ANTXRL: variants seen among roughly 807,000 people sequenced by gnomAD.
ANTXRL encodes ANTXR like.
A neutral mutation model predicts 75.4 loss-of-function variants in ANTXRL; 63 were observed. The ratio of observed to expected loss-of-function variants is 0.84; its 90% CI spans 0.68 to 1.03. The LOEUF (loss-of-function observed/expected upper bound fraction) is 1.03. Among genes scored for constraint, ANTXRL ranks in the 50% least tolerant of loss-of-function variants. The probability of loss-of-function intolerance (pLI) is 0.00; values close to 1 mark genes in which losing one functional copy is unlikely to be tolerated. For missense variants in ANTXRL, 797 were observed against 789.4 expected (o/e 1.01, Z -0.12); for synonymous variants, 335 against 291.3 (o/e 1.15, Z -1.53).
chr10:46,314,771 T>C (rs1838630480), intron 16 of ANTXRL, among the ~76,000 whole-genome samples: 1 of 152,096 alleles, frequency 6.6e-6, no homozygotes, highest in Non-Finnish European at 1.5e-5. Context: ...CAATCCCTGT[T>C]TTACTAATGG....
chr10:46,286,465 C>G (rs1159979478), upstream of ANTXRL: 1 of 152,218 alleles, frequency 6.6e-6, no homozygotes, highest in Non-Finnish European at 1.5e-5. Context: ...GGAGCAGCCT[C>G]CAGATAATTC....
chr10:46,316,087 T>C (rs1436583261), intron 16 of ANTXRL, among the ~76,000 whole-genome samples: 2 of 152,200 alleles, frequency 1.3e-5, no homozygotes, highest in Non-Finnish European at 2.9e-5. Context: ...ATACTCATTA[T>C]GTTAATGGGA....
intron 1 of ANTXRL, 98 bp downstream of exon 1, chr10:46,287,608 C>T (rs1454302406): frequency 4.1e-5 from 59 of 1,433,074 alleles, no homozygotes; most frequent in Non-Finnish European, 4.9e-5. Context: ...TGCAAGCTTC[C>T]GTCACAGAAG....
intron 1 of ANTXRL, among the ~76,000 whole-genome samples, 160 bp from the exon 2 acceptor site, chr10:46,291,898 C>A (rs1554956566): frequency 6.6e-6 from 1 of 152,128 alleles, no homozygotes; most frequent in Non-Finnish European, 1.5e-5. Context: ...AACTCATGAC[C>A]TCGGATGATC....
At chr10:46,307,363 C>A in intron 11 of ANTXRL, 39 bp from the exon 12 acceptor site, 1 of 1,415,032 alleles carries the variant, frequency 7.1e-7, no homozygotes, top group Non-Finnish European at 9.6e-7. Flanking sequence ...CTGCATCTCT[C>A]TGGACTGGCT....
upstream of ANTXRL, chr10:46,286,426 C>T (rs1242377785): frequency 2.0e-5 from 3 of 152,208 alleles, no homozygotes; most frequent in African/African-American, 7.2e-5. Flanking sequence ...GGTTTTGGGC[C>T]CTCCTGCCTA....
chr10:46,297,367 T>C, intron 6 of ANTXRL, 39 bp downstream of exon 6: 2 of 1,536,122 alleles, frequency 1.3e-6, no homozygotes, highest in Non-Finnish European at 1.7e-6. Flanking sequence ...TTGCTCCATG[T>C]ATTTTGATGA....
In ANTXRL at chr10:46,311,601, C is replaced by T; in HGVS notation, c.1265C>T (p.Thr422Ile). The change falls in exon 15 of 17, where the codon ACC becomes ATC. Residue 422 changes from threonine (T) to isoleucine (I), a missense_variant. By Grantham distance (89) the Thr-to-Ile change is moderately conservative. Around this residue, in one of 3 missense-constraint regions of ANTXRL, gnomAD observed 479 missense variants for 422.0 expected, o/e 1.14. Transcript: ENST00000620264. ...LPPPPPAPVN[T>I]CPTVIICCCG... is the part of the protein sequence containing the mutation. The stretch of plus-strand genomic sequence containing the variant: ...CCTCCGCCCCCAGCTCCTGTAAACA[C>T]CTGCCCCACTGTGATTATTTGTTGC... 7.0e-7 allele frequency: 1 copy of T among 1,422,860 alleles called. No individual in the cohort carries two copies. The highest frequency in any genetic ancestry group is 9.6e-7 in the Non-Finnish European group (1 of 1,043,282). 88.1% of individuals were successfully genotyped at this position (1,422,860 alleles called of 1,614,324 possible). A position where few individuals can be genotyped will look rare whatever the true frequency, so the allele number is the denominator to read the frequency against.
chr10:46,297,529 G>A, intron 7 of ANTXRL, 55 bp downstream of exon 7: 1 of 1,522,434 alleles, frequency 6.6e-7, no homozygotes, highest in Admixed American at 2.0e-5. Flanking sequence ...TCACTTTCGA[G>A]CCAACCGTCC....
Position 46,303,152 on chromosome 10 carries a change from C to A in ANTXRL, c.895+332C>A, listed in dbSNP as rs1837859260. Among the ~76,000 whole-genome samples, 3 of 152,188 alleles carry A rather than the reference C, an allele frequency of 2.0e-5. 1 individual carries two copies. The South Asian group carries it at 6.2e-4, about 32-fold the overall frequency. ...TTCCCCTTCCCTTGAGAGCCCAGGA[C>A]CCAAAGCCCACAAGGCTACTTCTAG... On this transcript the variant is annotated intron_variant, in intron 10 of 16. Coordinates refer to ENST00000620264, the MANE Select transcript of ANTXRL (RefSeq NM_001278688.3).
At chr10:46,291,837 C>T (rs1554956553) in intron 1 of ANTXRL, among the ~76,000 whole-genome samples, 1 of 152,106 alleles carries the variant, frequency 6.6e-6, no homozygotes, top group African/African-American at 2.4e-5. Context: ...CTCCTCAGTC[C>T]CAGGCAGATG....
chr10:46,296,195 C>T, intron 4 of ANTXRL, 24 bp from the exon 5 acceptor site: 1 of 1,535,804 alleles, frequency 6.5e-7, no homozygotes, highest in East Asian at 2.4e-5. Flanking sequence ...TGTCCAGGCT[C>T]AATATTTCTT....
chr10:46,306,460 T>G (rs567103454), intron 10 of ANTXRL, among the ~76,000 whole-genome samples: 16 of 152,276 alleles, frequency 1.1e-4, no homozygotes, highest in South Asian at 6.2e-4. Context: ...GGCTGTCCCT[T>G]CCTCTCTGGT....
chr10:46,306,116 G>C (rs1471167471), intron 10 of ANTXRL, among the ~76,000 whole-genome samples: 3 of 152,150 alleles, frequency 2.0e-5, no homozygotes, highest in African/African-American at 7.2e-5. Flanking sequence ...CAGAGCATTG[G>C]CACATGCCAC....
chr10:46,293,216 CTGTG>C (rs369165090), intron 2 of ANTXRL: 29 of 147,360 alleles, frequency 2.0e-4, no homozygotes, highest in East Asian at 6.4e-4. Context: ...ATGTGTGTGA[CTGTG>C]TGTGTGTGTG....
chr10:46,297,368 A>G (rs1554959093), intron 6 of ANTXRL, 38 bp from the exon 7 acceptor site: 2 of 1,536,048 alleles, frequency 1.3e-6, no homozygotes, highest in South Asian at 1.2e-5. Flanking sequence ...TGCTCCATGT[A>G]TTTTGATGAC....
rs782816581 is a variant in ANTXRL, at chr10:46,330,102, A to G, written c.*18A>G. 13 of 1,481,912 alleles carry G rather than the reference A, an allele frequency of 8.8e-6. No individual in the cohort carries two copies. Among genetic ancestry groups the G allele is most frequent in the Non-Finnish European group, 1.2e-5 (13 of 1,118,870 alleles). 91.8% of individuals were successfully genotyped at this position (1,481,912 alleles called of 1,614,324 possible). A position where few individuals can be genotyped will look rare whatever the true frequency, so the allele number is the denominator to read the frequency against. On this transcript the variant is annotated 3_prime_UTR_variant, in exon 17 of 17. Coordinates refer to ENST00000620264, the MANE Select transcript of ANTXRL (RefSeq NM_001278688.3). ...ACTTCTAAGGCACCAAACACCCAAGATTAACAGGCTTTTGTTGCTGAACTG... is the reference window on the plus strand; with the variant it reads ...ACTTCTAAGGCACCAAACACCCAAGGTTAACAGGCTTTTGTTGCTGAACTG...
At position 46,307,451 on chromosome 10, in the gene ANTXRL, A is replaced by G. The variant is rs2132781226; in HGVS notation, c.1015A>G (p.Ser339Gly). ...GAACAAAGGCAAAACATTCTTCAAG[A>G]GCAATGTCAGCATCACCAGCACCAC... ...SLNKGKTFFK[S>G]NVSITSTTCG... Residue 339 changes from serine (S) to glycine (G), a missense_variant, in exon 12 of 17, where the codon AGC (serine) becomes GGC (glycine). Transcript: ENST00000620264. The G allele has an allele frequency of 1.3e-6, 2 of 1,536,324 alleles. No homozygotes were observed. Among genetic ancestry groups the G allele is most frequent in the East Asian group, 2.4e-5 (1 of 40,916 alleles).
intron 16 of ANTXRL, among the ~76,000 whole-genome samples, chr10:46,317,424 G>C: frequency 1.3e-5 from 2 of 152,196 alleles, no homozygotes; most frequent in East Asian, 3.9e-4. Context: ...TGCTGGGATA[G>C]TTGTTCTGGG....
Sources: allele counts gnomAD v4.1 joint callset (sites outside exome capture counted in the v4.1 genomes callset), GRCh38; gene constraint gnomAD v4.1.1; regional missense constraint gnomAD v4.1.1; transcripts MANE v1.5; gene names NCBI Gene and HGNC (gene_info 2026-07-23, HGNC 2026-07-21).